Variants in STOML3 observed in about 807,000 individuals in gnomAD.
The protein encoded by STOML3 is stomatin like 3.
In STOML3, 31 loss-of-function variants were observed where a neutral mutation model predicts 29.5. The ratio of observed to expected loss-of-function variants is 1.05; its 90% CI spans 0.79 to 1.42. STOML3 has a LOEUF of 1.42. STOML3 is among the 40% of genes most tolerant of loss of function. STOML3 has a pLI of 0.00. For missense variants in STOML3, 380 were observed against 363.0 expected, an observed-to-expected ratio of 1.05 and a Z score of -0.38; for synonymous variants, 122 against 139.8, an observed-to-expected ratio of 0.87 and a Z score of 0.90.
intron 3 of STOML3, among the ~76,000 whole-genome samples, chr13:38,974,122 G>A (rs1335757841): frequency 6.6e-6 from 1 of 152,240 alleles, no homozygotes; most frequent in Admixed American, 6.5e-5. Flanking sequence ...TTCATTTAAG[G>A]ACCCTGGGAA....
chr13:38,984,717 A>G (rs532242925), intron 1 of STOML3, among the ~76,000 whole-genome samples: 1 of 152,288 alleles, frequency 6.6e-6, no homozygotes, highest in African/African-American at 2.4e-5. Context: ...AAATCACCTG[A>G]CAACGTATTT....
At chr13:38,977,451 T>C (rs1881121012) in intron 1 of STOML3, among the ~76,000 whole-genome samples, 1 of 152,234 alleles carries the variant, frequency 6.6e-6, no homozygotes, top group Non-Finnish European at 1.5e-5. Flanking sequence ...GGCCATACAT[T>C]AACATTTACA....
At chr13:38,978,120 T>G (rs556674416) in intron 1 of STOML3, among the ~76,000 whole-genome samples, 158 of 151,828 alleles carry the variant, frequency 1.0e-3, no homozygotes, top group African/African-American at 3.4e-3. Flanking sequence ...GAATTCTTTA[T>G]AGTCACCATT....
At chr13:38,989,208 GC>G (rs1362215159) in intron 1 of STOML3, among the ~76,000 whole-genome samples, 3 of 151,756 alleles carry the variant, frequency 2.0e-5, no homozygotes, top group African/African-American at 7.3e-5. Flanking sequence ...CTGTGATAGT[GC>G]CAGTTTTTCA....
intron 1 of STOML3, chr13:38,980,199 C>T (rs941193824): frequency 1.1e-4 from 155 of 1,472,294 alleles, no homozygotes; most frequent in Non-Finnish European, 1.3e-4. Context: ...GCATTAGAAT[C>T]ACCCAGGCCG....
In STOML3 at chr13:38,976,626, G is replaced by C; in HGVS notation, c.157-14C>G. On this transcript the variant is annotated splice_polypyrimidine_tract_variant and intron_variant, in intron 2 of 6. Transcript: ENST00000379631. The stretch of plus-strand genomic sequence containing the variant: ...CTCCTTAATGATCTAGGAGATTAAG[G>C]GCGAACGTTTAGTCCTAATGGTTTG... 1 of 1,614,104 alleles carries C rather than the reference G, an allele frequency of 6.2e-7. No individual in the cohort carries two copies. The highest frequency in any genetic ancestry group is 1.7e-5 in the Admixed American group (1 of 60,016).
intron 1 of STOML3, among the ~76,000 whole-genome samples, chr13:38,985,889 C>CTTT (rs200028643): frequency 1.1e-4 from 7 of 61,368 alleles, no homozygotes; most frequent in East Asian, 5.6e-4. Context: ...GTGGCTATTT[C>CTTT]TTTTTTTTTT....
At chr13:38,988,164 T>TC (rs1454618401) in intron 1 of STOML3, among the ~76,000 whole-genome samples, 4 of 95,832 alleles carry the variant, frequency 4.2e-5, no homozygotes, top group African/African-American at 1.9e-4. Context: ...ATATTTTATA[T>TC]ATAATATATT....
At chr13:38,990,404 AG>A (rs1309484599) in intron 1 of STOML3, among the ~76,000 whole-genome samples, 1 of 152,086 alleles carries the variant, frequency 6.6e-6, no homozygotes, top group Non-Finnish European at 1.5e-5. Flanking sequence ...AATCCTGAGA[AG>A]GATTTCATAC....
At position 38,970,190 on chromosome 13, in the gene STOML3, T is replaced by C. The variant is rs1880808853; in HGVS notation, c.511A>G (p.Ile171Val). The C allele has an allele frequency of 6.2e-7, 1 of 1,612,164 alleles. No individual in the cohort carries two copies. Among genetic ancestry groups the C allele is most frequent in the African/African-American group, 1.3e-5 (1 of 74,900 alleles). Reference protein sequence around the residue: ...LAGREEIAHSIQTLLDDATEL... With the variant: ...LAGREEIAHSVQTLLDDATEL... ...TTAGTTCATGGTGTCTTTACCTGGATGCTATGGGCGATCTCTTCTCGTCCA... is the reference window on the plus strand; with the variant it reads ...TTAGTTCATGGTGTCTTTACCTGGACGCTATGGGCGATCTCTTCTCGTCCA... The change falls in exon 5 of 7, where the codon ATC (isoleucine) becomes GTC (valine). Residue 171 changes from isoleucine to valine, a missense_variant. Transcript: ENST00000379631.
At chr13:38,976,433 A>G in intron 3 of STOML3, 107 bp downstream of exon 3, 3 of 1,297,678 alleles carry the variant, frequency 2.3e-6, no homozygotes, top group African/African-American at 1.5e-5. Context: ...GCTTCTAGCA[A>G]TTTTTCTTTG....
At chr13:38,982,459 G>A (rs1052063277) in intron 1 of STOML3, among the ~76,000 whole-genome samples, 9 of 151,794 alleles carry the variant, frequency 5.9e-5, no homozygotes, top group African/African-American at 1.7e-4. Context: ...TCAAGGTCTC[G>A]GGAGCTAACC....
intron 3 of STOML3, among the ~76,000 whole-genome samples, 154 bp from the exon 4 acceptor site, chr13:38,972,748 TC>T (rs1204341056): frequency 7.2e-5 from 11 of 152,182 alleles, no homozygotes; most frequent in Admixed American, 7.2e-4. Context: ...AATGATTTCA[TC>T]CTCTAGGTCA....
At chr13:38,990,077 A>C (rs1404856831) in intron 1 of STOML3, among the ~76,000 whole-genome samples, 1 of 152,138 alleles carries the variant, frequency 6.6e-6, no homozygotes. Flanking sequence ...ATGCAAGCAA[A>C]ATGCTTTGTA....
At chr13:38,984,010 C>T (rs1311402753) in intron 1 of STOML3, among the ~76,000 whole-genome samples, 1 of 152,136 alleles carries the variant, frequency 6.6e-6, no homozygotes, top group East Asian at 1.9e-4. Flanking sequence ...TCTTCAGGCC[C>T]TGGAGGCATC....
chr13:38,990,261 T>C (rs947418768), intron 1 of STOML3, among the ~76,000 whole-genome samples: 13 of 152,158 alleles, frequency 8.5e-5, no homozygotes, highest in African/African-American at 3.1e-4. Context: ...CTTCAACATA[T>C]CTTTGTTATT....
At chr13:38,988,202 C>A (rs769870119) in intron 1 of STOML3, among the ~76,000 whole-genome samples, 2 of 42,880 alleles carry the variant, frequency 4.7e-5, no homozygotes, top group Non-Finnish European at 6.5e-5. Context: ...TATTATATTT[C>A]ATATAAAATA....
Position 38,972,595 on chromosome 13 carries a change from C to T in STOML3, c.230-1G>A, listed in dbSNP as rs776659708. 6.2e-7 allele frequency: 1 copy of T among 1,613,338 alleles called. No homozygotes were observed. The highest frequency in any genetic ancestry group is 8.5e-7 in the Non-Finnish European group (1 of 1,179,760). On this transcript the variant is annotated splice_acceptor_variant, in intron 3 of 6. Transcript: ENST00000379631. LOFTEE classifies it high-confidence loss of function. ...ATGCATGGCAGGACCAGGATCAAAC[C>T]TATGAGAGAAAAAATCAGTTTAAAA...
intron 3 of STOML3, among the ~76,000 whole-genome samples, chr13:38,975,177 C>G (rs1025905055): frequency 6.6e-6 from 1 of 151,596 alleles, no homozygotes; most frequent in African/African-American, 2.4e-5. Context: ...AAAAATTAGC[C>G]GCTTATGATA....
Sources: allele counts gnomAD v4.1 joint callset (sites outside exome capture counted in the v4.1 genomes callset), GRCh38; gene constraint gnomAD v4.1.1; transcripts MANE v1.5; gene names NCBI Gene and HGNC (gene_info 2026-07-23, HGNC 2026-07-21).